ACTN4: variants seen among roughly 807,000 people sequenced by gnomAD.
The protein encoded by ACTN4 is actinin alpha 4.
In ACTN4, 18 loss-of-function variants were observed where a neutral mutation model predicts 114.2. The observed-to-expected ratio is 0.16, with a 90% confidence interval of 0.11 to 0.23. ACTN4 has a LOEUF of 0.23. ACTN4 is among the 10% of genes least tolerant of loss of function. The pLI, the probability that ACTN4 is intolerant of heterozygous loss-of-function variation, is 1.00. For missense variants in ACTN4, 722 were observed against 1,262.9 expected (o/e 0.57, Z 6.49); for synonymous variants, 515 against 506.3 (o/e 1.02, Z -0.23).
In ACTN4 at chr19:38,724,287, G is replaced by A; in HGVS notation, c.1823G>A (p.Ser608Asn). 6.2e-7 allele frequency: 1 copy of A among 1,613,910 alleles called. No individual in the cohort carries two copies. The highest frequency in any genetic ancestry group is 8.5e-7 in the Non-Finnish European group (1 of 1,180,028). The change falls in exon 15 of 21, where the codon AGC becomes AAC. Residue 608 changes from serine (S) to asparagine (N), a missense_variant. This residue lies in a region of ACTN4 where 523 missense variants were observed against 875.9 expected (regional missense o/e 0.60). Transcript: ENST00000252699. The surrounding 1 kb of genome is among the most constrained non-coding windows in gnomAD (Gnocchi z 7.0). ...AGCAACCACATCAAGCTGTCGGGCA[G>A]CAACCCCTACACCACCGTCACCCCG... ...AESNHIKLSG[S>N]NPYTTVTPQI... is the part of the protein sequence containing the mutation.
intron 1 of ACTN4, among the ~76,000 whole-genome samples, chr19:38,676,487 C>T (rs764151745): frequency 9.9e-5 from 15 of 152,168 alleles, no homozygotes; most frequent in African/African-American, 1.4e-4. Context: ...GGGCTGGAGA[C>T]GTGGCTGAGG....
Position 38,706,051 on chromosome 19 carries a change from G to T in ACTN4, c.492G>T (p.Ser164=), listed in dbSNP as rs377717555. ...AIQDISVEET[S]AKEGLLLWCQ... ...TCTTTGTGTGTTTTGCAGAGACCTC[G>T]GCCAAGGAAGGGCTCCTTCTCTGGT... Residue 164 remains serine, a synonymous_variant, in exon 5 of 21, where the codon TCG becomes TCT. Transcript: ENST00000252699. 1.2e-6 allele frequency: 2 copies of T among 1,614,024 alleles called. No homozygotes were observed. Among genetic ancestry groups the T allele is most frequent in the South Asian group, 1.1e-5 (1 of 91,076 alleles).
rs1357492399 is a variant in ACTN4, at chr19:38,717,281, C to A, written c.1108C>A (p.Pro370Thr). The A allele has an allele frequency of 1.9e-6, 3 of 1,613,890 alleles. No individual in the cohort carries two copies. The highest frequency in any genetic ancestry group is 2.5e-6 in the Non-Finnish European group (3 of 1,180,036). ...LQTKLRLSNR[P>T]AFMPSEGKMV... ...GACCAAGCTGCGCCTCAGCAACCGG[C>A]CCGCCTTCATGCCCTCCGAGGGCAA... The change falls in exon 10 of 21, where the codon CCC becomes ACC. Residue 370 changes from proline (P) to threonine (T), a missense_variant. By Grantham distance (38) the Pro-to-Thr change is conservative. This residue lies in a region of ACTN4 where 523 missense variants were observed against 875.9 expected (regional missense o/e 0.60). Transcript: ENST00000252699. The surrounding 1 kb of genome is among the most constrained non-coding windows in gnomAD (Gnocchi z 4.0).
intron 2 of ACTN4, 129 bp from the exon 3 acceptor site, chr19:38,700,873 G>T: frequency 1.4e-6 from 2 of 1,443,060 alleles, no homozygotes; most frequent in African/African-American, 1.4e-5. Context: ...GGCCAGAGTG[G>T]CCTGGTGGGC....
chr19:38,691,197 C>T (rs1292624677), intron 1 of ACTN4, among the ~76,000 whole-genome samples: 1 of 151,970 alleles, frequency 6.6e-6, no homozygotes, highest in Non-Finnish European at 1.5e-5. Context: ...GGGCGGATCA[C>T]CTGAGGTTGG....
At chr19:38,697,485 G>A (rs1220804972) in intron 1 of ACTN4, among the ~76,000 whole-genome samples, 1 of 152,238 alleles carries the variant, frequency 6.6e-6, no homozygotes, top group Non-Finnish European at 1.5e-5. Flanking sequence ...GGTAGATTCT[G>A]ATAAATCCAT....
intron 1 of ACTN4, among the ~76,000 whole-genome samples, chr19:38,676,409 T>G (rs1967375527): frequency 6.6e-6 from 1 of 152,196 alleles, no homozygotes; most frequent in Non-Finnish European, 1.5e-5. Flanking sequence ...GGGCTGACTC[T>G]TGGTATTGCT....
intron 1 of ACTN4, among the ~76,000 whole-genome samples, chr19:38,698,761 TC>T (rs1240047632): frequency 6.6e-6 from 1 of 152,156 alleles, no homozygotes; most frequent in Non-Finnish European, 1.5e-5. Flanking sequence ...TGGGGGATGG[TC>T]TAGCTGTCCA....
chr19:38,716,524 G>A (rs539893061), intron 9 of ACTN4, among the ~76,000 whole-genome samples: 2 of 152,334 alleles, frequency 1.3e-5, no homozygotes, highest in South Asian at 4.1e-4. Flanking sequence ...TCTTAGACCT[G>A]AGGGAAAAGA....
chr19:38,684,633 G>C (rs563343134), intron 1 of ACTN4, among the ~76,000 whole-genome samples: 2 of 152,304 alleles, frequency 1.3e-5, no homozygotes, highest in Admixed American at 1.3e-4. Flanking sequence ...CCTGTTCCTC[G>C]GCCAGGGCAG....
intron 9 of ACTN4, among the ~76,000 whole-genome samples, chr19:38,716,725 T>TA (rs1968853412): frequency 1.3e-5 from 2 of 152,206 alleles, no homozygotes; most frequent in Non-Finnish European, 2.9e-5. Flanking sequence ...TAGTCCCAAC[T>TA]ACTTGGGAGA....
intron 1 of ACTN4, among the ~76,000 whole-genome samples, chr19:38,681,906 C>G (rs570945513): frequency 6.6e-6 from 1 of 152,332 alleles, no homozygotes; most frequent in South Asian, 2.1e-4. Flanking sequence ...TCTCGGCTTA[C>G]TGCAGCCTCC....
Position 38,714,581 on chromosome 19 carries a change from AAGTC to A in ACTN4, c.912+23_912+26del. The A allele has an allele frequency of 6.2e-7, 1 of 1,611,802 alleles. No individual in the cohort carries two copies. Among genetic ancestry groups the A allele is most frequent in the Non-Finnish European group, 8.5e-7 (1 of 1,178,102 alleles). ...AGCGACGTGAGTGTTCCCCCAGTGA[AAGTC>A]AGGGCCACCTCATTATCCTCAGCCA... On this transcript the variant is annotated intron_variant, in intron 9 of 20. Transcript: ENST00000252699.
intron 8 of ACTN4, 124 bp from the exon 9 acceptor site, chr19:38,714,345 C>G: frequency 1.2e-6 from 1 of 854,458 alleles, no homozygotes; most frequent in South Asian, 1.4e-5. Flanking sequence ...TGGAGCTGTG[C>G]TTCCTCTCCT....
intron 1 of ACTN4, among the ~76,000 whole-genome samples, chr19:38,673,597 T>TTATATATA (rs1967239623): frequency 7.3e-5 from 6 of 82,502 alleles, no homozygotes; most frequent in African/African-American, 1.5e-4. Context: ...TTATATATAT[T>TTATATATA]CATATATATT....
At chr19:38,666,972 T>C (rs1966981529) in intron 1 of ACTN4, among the ~76,000 whole-genome samples, 2 of 152,168 alleles carry the variant, frequency 1.3e-5, no homozygotes, top group Non-Finnish European at 2.9e-5. Context: ...AGTCTAGGGA[T>C]GTGCCAGGTC....
intron 1 of ACTN4, among the ~76,000 whole-genome samples, chr19:38,650,201 G>C (rs531298065): frequency 2.0e-5 from 3 of 152,102 alleles, no homozygotes; most frequent in Admixed American, 6.6e-5. Context: ...TGATAAGGGT[G>C]GGGGGACCTT....
chr19:38,727,462 G>C lies in ACTN4; in HGVS notation c.2337+359G>C, dbSNP rs970412034. On this transcript the variant is annotated intron_variant, in intron 18 of 20. Coordinates refer to ENST00000252699, the MANE Select transcript of ACTN4 (RefSeq NM_004924.6). The surrounding 1 kb of genome is among the most constrained non-coding windows in gnomAD (Gnocchi z 5.4). ...GCTTTTAGAATTCAGATTTGGTCCGGCAGCCTCATCAGAGGGGCCCTGAGC... is the reference window on the plus strand; with the variant it reads ...GCTTTTAGAATTCAGATTTGGTCCGCCAGCCTCATCAGAGGGGCCCTGAGC... Among the ~76,000 whole-genome samples the C allele has an allele frequency of 6.6e-6, 1 of 152,116 alleles. No individual in the cohort carries two copies. The highest frequency in any genetic ancestry group is 2.1e-4 in the South Asian group (1 of 4,828).
intron 1 of ACTN4, among the ~76,000 whole-genome samples, chr19:38,656,239 A>G (rs1976708132): frequency 6.6e-6 from 1 of 152,112 alleles, no homozygotes; most frequent in African/African-American, 2.4e-5. Flanking sequence ...CAGCTTCCCA[A>G]GTAGCTGGGA....
Sources: gnomAD v4.1 joint callset for allele counts (sites outside exome capture counted in the v4.1 genomes callset) on GRCh38, gnomAD v4.1.1 for gene constraint, gnomAD v4.1.1 regional missense constraint, Gnocchi (gnomAD v3.1) non-coding constraint, MANE v1.5 for transcripts, NCBI Gene and HGNC (gene_info 2026-07-23, HGNC 2026-07-21) for gene names.